The following ABL1 variants were observed in gnomAD, a reference collection of about 807,000 sequenced individuals.
ABL1 encodes the protein ABL proto-oncogene 1, non-receptor tyrosine kinase.
ABL1 carries 11 observed loss-of-function variants against 94.7 expected under a neutral mutation model. The ratio of observed to expected loss-of-function variants is 0.12; its 90% confidence interval spans 0.07 to 0.19. The LOEUF is 0.19. Among genes scored for constraint, ABL1 ranks in the 10% least tolerant of loss-of-function variants. The pLI, the probability that ABL1 is intolerant of heterozygous loss-of-function variation, is 1.00. For missense variants in ABL1, 1,082 were observed against 1,489.4 expected, an observed-to-expected ratio of 0.73 and a Z score of 4.50; for synonymous variants, 656 against 622.4, an observed-to-expected ratio of 1.05 and a Z score of -0.80.
chr9:130,884,029 C>T lies in ABL1; in HGVS notation c.1739C>T (p.Pro580Leu), dbSNP rs774635743. The change falls in exon 11 of 11, where the codon CCG becomes CTG. Residue 580 changes from proline to leucine, a missense_variant. This residue lies in a region of ABL1 where 780 missense variants were observed against 835.8 expected (regional missense o/e 0.93). Transcript: ENST00000318560. This position sits in a 1 kb window ranked among gnomAD's most constrained non-coding sequence, Gnocchi z 5.6. Reference protein sequence around the residue: ...PLLPRKERGPPEGGLNEDERL... With the variant: ...PLLPRKERGPLEGGLNEDERL... ...CTCCCTCGAAAAGAGCGAGGTCCCC[C>T]GGAGGGCGGCCTGAATGAAGATGAG... 2.5e-5 allele frequency: 40 copies of T among 1,613,738 alleles called. No individual in the cohort carries two copies. In the Admixed American group the frequency reaches 3.2e-4, roughly 13 times the overall value.
intron 1 of ABL1, among the ~76,000 whole-genome samples, chr9:130,756,741 G>C (rs2313585): frequency 0.22 from 33,119 of 152,130 alleles, 4,681 homozygotes; most frequent in East Asian, 0.52. Context: ...GGCCTTTGCA[G>C]CATCAGCCTT....
At chr9:130,783,471 T>C (rs1424380149) in intron 1 of ABL1, among the ~76,000 whole-genome samples, 2 of 152,168 alleles carry the variant, frequency 1.3e-5, no homozygotes, top group Non-Finnish European at 1.5e-5. Flanking sequence ...AGTCGAGCAG[T>C]AGATTACATT....
At chr9:130,768,750 G>A (rs559631025) in intron 1 of ABL1, among the ~76,000 whole-genome samples, 1 of 152,282 alleles carries the variant, frequency 6.6e-6, no homozygotes, top group African/African-American at 2.4e-5. Flanking sequence ...GTCTTTGTGA[G>A]AATTAAATTA....
chr9:130,718,041 G>C, intron 1 of ABL1, among the ~76,000 whole-genome samples: 1 of 149,212 alleles, frequency 6.7e-6, no homozygotes, highest in Admixed American at 6.6e-5. Flanking sequence ...TTCCTGGCTG[G>C]GTGTGGTGGC....
At chr9:130,800,360 T>A (rs1157485161) in intron 1 of ABL1, among the ~76,000 whole-genome samples, 1 of 151,972 alleles carries the variant, frequency 6.6e-6, no homozygotes, top group Non-Finnish European at 1.5e-5. Context: ...ATAAAACAGT[T>A]CTCTACGCTG....
In ABL1 at chr9:130,884,912, A is replaced by T; in HGVS notation, c.2622A>T (p.Arg874Ser). Residue 874 changes from arginine (R) to serine (S), a missense_variant, in exon 11 of 11, where the codon AGA becomes AGT. Physicochemically the swap from Arg to Ser is moderately radical, Grantham distance 110. Around this residue, in one of 7 missense-constraint regions of ABL1, gnomAD observed 780 missense variants for 835.8 expected, o/e 0.93. Transcript: ENST00000318560. This position sits in a 1 kb window ranked among gnomAD's most constrained non-coding sequence, Gnocchi z 5.6. ...GTSKGPAEES[R>S]VRRHKHSSES... ...GCAAGGGCCCCGCCGAGGAGTCCAG[A>T]GTGAGGAGGCACAAGCACTCCTCTG... The T allele has an allele frequency of 6.2e-7, 1 of 1,611,532 alleles. No homozygotes were observed. The highest frequency in any genetic ancestry group is 8.5e-7 in the Non-Finnish European group (1 of 1,179,574).
At chr9:130,743,274 T>C (rs986725809) in intron 1 of ABL1, among the ~76,000 whole-genome samples, 2 of 152,128 alleles carry the variant, frequency 1.3e-5, no homozygotes, top group African/African-American at 4.8e-5. Context: ...GGTTTTGCCG[T>C]GTTAGCCAGG....
intron 1 of ABL1, among the ~76,000 whole-genome samples, chr9:130,746,073 A>G (rs1040418025): frequency 6.6e-6 from 1 of 152,196 alleles, no homozygotes; most frequent in African/African-American, 2.4e-5. Flanking sequence ...ATCTGAATTC[A>G]AATCTCAGCT....
intron 1 of ABL1, among the ~76,000 whole-genome samples, chr9:130,816,742 C>G (rs1830291354): frequency 6.6e-6 from 1 of 152,174 alleles, no homozygotes; most frequent in Non-Finnish European, 1.5e-5. Context: ...TGCTCTATCG[C>G]CCAGGCTGGA....
At chr9:130,757,257 T>A (rs1832051703) in intron 1 of ABL1, among the ~76,000 whole-genome samples, 2 of 152,138 alleles carry the variant, frequency 1.3e-5, no homozygotes, top group South Asian at 4.1e-4. Flanking sequence ...TAAGTCCTGT[T>A]TTCCTATTGA....
intron 1 of ABL1, among the ~76,000 whole-genome samples, chr9:130,805,801 T>C (rs948596931): frequency 1.3e-5 from 2 of 152,136 alleles, no homozygotes; most frequent in Non-Finnish European, 2.9e-5. Context: ...TCTTATTAAG[T>C]AGGGGGATGA....
chr9:130,792,834 A>G (rs1829926475), intron 1 of ABL1, among the ~76,000 whole-genome samples: 1 of 152,158 alleles, frequency 6.6e-6, no homozygotes, highest in Non-Finnish European at 1.5e-5. Flanking sequence ...GAACTACCCC[A>G]TGCAGCTGCT....
chr9:130,851,268 GCTT>G (rs774930528), intron 1 of ABL1, among the ~76,000 whole-genome samples: 24 of 152,140 alleles, frequency 1.6e-4, no homozygotes, highest in Non-Finnish European at 2.5e-4. Flanking sequence ...ATATGACTAA[GCTT>G]CTTCTACACT....
At chr9:130,882,697 GCTA>G (rs1162479806) in intron 10 of ABL1, among the ~76,000 whole-genome samples, 2 of 152,070 alleles carry the variant, frequency 1.3e-5, no homozygotes, top group Non-Finnish European at 2.9e-5. Context: ...ACCACACCCA[GCTA>G]ATTTTTGCAT....
At chr9:130,878,602 G>T in intron 8 of ABL1, 35 bp downstream of exon 8, 1 of 1,606,382 alleles carries the variant, frequency 6.2e-7, no homozygotes, top group Non-Finnish European at 8.5e-7. Flanking sequence ...ACGAGTATAT[G>T]TGGGCATTCC....
chr9:130,786,073 G>A (rs900571634), intron 1 of ABL1, among the ~76,000 whole-genome samples: 1 of 151,918 alleles, frequency 6.6e-6, no homozygotes, highest in Non-Finnish European at 1.5e-5. Context: ...AGCATGCCAC[G>A]CCACACCACA....
intron 1 of ABL1, among the ~76,000 whole-genome samples, chr9:130,847,265 G>A (rs1830787662): frequency 6.6e-6 from 1 of 152,056 alleles, no homozygotes; most frequent in Non-Finnish European, 1.5e-5. Flanking sequence ...TGCAGAAAAT[G>A]TTCACTAAAA....
intron 3 of ABL1, among the ~76,000 whole-genome samples, chr9:130,859,995 C>T (rs938524588): frequency 6.6e-6 from 1 of 152,062 alleles, no homozygotes; most frequent in African/African-American, 2.4e-5. Flanking sequence ...TGTTTCTAAG[C>T]GTTTCTTTGA....
At chr9:130,849,920 T>C (rs1186487500) in intron 1 of ABL1, among the ~76,000 whole-genome samples, 1 of 152,232 alleles carries the variant, frequency 6.6e-6, no homozygotes, top group African/African-American at 2.4e-5. Context: ...TGTAAAGTCC[T>C]TGTGTGTCAA....
Sources: allele counts gnomAD v4.1 joint callset (sites outside exome capture counted in the v4.1 genomes callset), GRCh38; gene constraint gnomAD v4.1.1; regional missense constraint gnomAD v4.1.1; non-coding constraint Gnocchi (gnomAD v3.1); transcripts MANE v1.5; gene names NCBI Gene and HGNC (gene_info 2026-07-23, HGNC 2026-07-21).